The following SERF1A variants were observed in gnomAD, a reference collection of about 807,000 sequenced individuals.
SERF1A encodes the protein small EDRK-rich factor 1A.
downstream of SERF1A, among the ~76,000 whole-genome samples, chr5:70,912,057 A>ACTCTCTCTCTCTCT (rs1554081326): frequency 5.9e-4 from 11 of 18,604 alleles, no homozygotes; most frequent in African/African-American, 1.6e-3. Flanking sequence ...ACACACACAC[A>ACTCTCTCTCTCTCT]CTCTCTCTCT....
intron 2 of SERF1A, among the ~76,000 whole-genome samples, chr5:70,904,626 C>A (rs1749036027): frequency 2.1e-5 from 1 of 48,020 alleles, no homozygotes; most frequent in African/African-American, 6.8e-5. Context: ...GATCTCGGCT[C>A]ACTGCAACCT....
At chr5:70,909,640 C>CA (rs1333416410), downstream of SERF1A, among the ~76,000 whole-genome samples, 1 of 89,024 alleles carries the variant, frequency 1.1e-5, no homozygotes, top group Non-Finnish European at 2.4e-5. Flanking sequence ...GCCATAAGTA[C>CA]AAAAAAACTT....
chr5:70,904,641 C>T (rs1254036802), intron 2 of SERF1A, among the ~76,000 whole-genome samples: 1 of 48,876 alleles, frequency 2.0e-5, no homozygotes, highest in Non-Finnish European at 4.3e-5. Flanking sequence ...CAACCTCCAC[C>T]TCCTGGGCTT....
chr5:70,904,338 T>C (rs1251659443), intron 2 of SERF1A, among the ~76,000 whole-genome samples: 9 of 28,948 alleles, frequency 3.1e-4, no homozygotes, highest in East Asian at 1.7e-3. Flanking sequence ...GAGCTTGCAG[T>C]GAGCTGAGAT....
intron 2 of SERF1A, among the ~76,000 whole-genome samples, chr5:70,904,888 T>A (rs1749046696): frequency 1.6e-5 from 1 of 62,450 alleles, no homozygotes; most frequent in Non-Finnish European, 3.1e-5. Flanking sequence ...GAATTTTTTT[T>A]TTATTATTAC....
exon 3 of SERF1A, chr5:70,917,023 C>T (rs1749188043): frequency 5.7e-6 from 1 of 176,012 alleles, no homozygotes; most frequent in Non-Finnish European, 8.7e-6. Context: ...TCCTTGCTTT[C>T]CTCTTCCAGC....
At chr5:70,911,996 A>G (rs1218317112), downstream of SERF1A, among the ~76,000 whole-genome samples, 1 of 35,854 alleles carries the variant, frequency 2.8e-5, no homozygotes, top group Non-Finnish European at 7.8e-5. Flanking sequence ...TAAGAGTGGG[A>G]CCCTGTCTCA....
chr5:70,913,154 A>G (rs1749153237), intron 2 of SERF1A, among the ~76,000 whole-genome samples: 2 of 144,148 alleles, frequency 1.4e-5, no homozygotes, highest in African/African-American at 5.0e-5. Flanking sequence ...TGAGGTGGGC[A>G]GATCACCTGA....
Position 70,904,560 on chromosome 5 carries a change from T to C in SERF1A, c.116+2627T>C. Among the ~76,000 whole-genome samples, 2 of 49,598 alleles carry C rather than the reference T, an allele frequency of 4.0e-5. 1 individual carries two copies. The highest frequency in any genetic ancestry group is 8.6e-5 in the Non-Finnish European group (2 of 23,172). 32.5% of individuals were successfully genotyped at this position (49,598 alleles called of 152,430 possible). A position where few individuals can be genotyped will look rare whatever the true frequency, so the allele number is the denominator to read the frequency against. ...TTTACTGTACTTAGGTTATGCCTTTTTTTTTTTTTAAAGGCAGAGTCTTAC... is the reference window on the plus strand; with the variant it reads ...TTTACTGTACTTAGGTTATGCCTTTCTTTTTTTTTAAAGGCAGAGTCTTAC... On this transcript the variant is annotated intron_variant, in intron 2 of 2. Transcript: ENST00000317633.
At position 70,904,343 on chromosome 5, in the gene SERF1A, T is replaced by C. The variant is rs1440095125; in HGVS notation, c.116+2410T>C. On this transcript the variant is annotated intron_variant, in intron 2 of 2. Transcript: ENST00000317633. ...CCGGGAGGCGGAGCTTGCAGTGAGC[T>C]GAGATCGCGCCACCGCACTCCAGCC... Among the ~76,000 whole-genome samples, 10 of 29,858 alleles carry C rather than the reference T, an allele frequency of 3.3e-4. 2 individuals carry two copies. Among genetic ancestry groups the C allele is most frequent in the South Asian group, 1.3e-3 (1 of 764 alleles). The allele number at this position is 29,858 out of a possible 152,430, so 19.6% of individuals were successfully genotyped here.
intron 2 of SERF1A, among the ~76,000 whole-genome samples, chr5:70,913,194 C>T (rs1414780242): frequency 7.1e-6 from 1 of 140,154 alleles, no homozygotes; most frequent in Non-Finnish European, 1.6e-5. Flanking sequence ...GCCTGGCCAA[C>T]ATGGTGAAAC....
At chr5:70,910,795 ATTATTTTTT>A (rs1749108730), downstream of SERF1A, among the ~76,000 whole-genome samples, 1 of 24,424 alleles carries the variant, frequency 4.1e-5, no homozygotes, top group African/African-American at 1.1e-4. Flanking sequence ...TATTATTATT[ATTATTTTTT>A]TTTTTTTTTT....
At chr5:70,910,799 T>TTTTTA (rs1216486724), downstream of SERF1A, among the ~76,000 whole-genome samples, 17 of 20,178 alleles carry the variant, frequency 8.4e-4, 7 homozygotes, top group Non-Finnish European at 2.3e-4. Flanking sequence ...ATTATTATTA[T>TTTTTA]TTTTTTTTTT....
intron 2 of SERF1A, among the ~76,000 whole-genome samples, chr5:70,913,378 CAAAAA>C (rs878903389): frequency 1.7e-5 from 1 of 59,146 alleles, no homozygotes; most frequent in African/African-American, 5.2e-5. Context: ...GACTCTGTCT[CAAAAA>C]AAAAAAAAAA....
At chr5:70,904,832 C>G (rs1263068763) in intron 2 of SERF1A, among the ~76,000 whole-genome samples, 5 of 58,924 alleles carry the variant, frequency 8.5e-5, no homozygotes, top group African/African-American at 3.2e-4. Context: ...GGATTACAGG[C>G]GTGAGCCACC....
At chr5:70,913,039 T>C (rs1580878286), downstream of SERF1A, among the ~76,000 whole-genome samples, 1 of 80,800 alleles carries the variant, frequency 1.2e-5, no homozygotes, top group Non-Finnish European at 2.6e-5. Context: ...TGCACTCCAG[T>C]CTGGGTGACA....
intron 2 of SERF1A, among the ~76,000 whole-genome samples, chr5:70,913,392 A>C (rs1021844082): frequency 1.4e-5 from 2 of 143,872 alleles, no homozygotes; most frequent in African/African-American, 5.0e-5. Context: ...AAAAAAAAAA[A>C]AAAAAAAACA....
chr5:70,913,152 G>T (rs1036380976), intron 2 of SERF1A, among the ~76,000 whole-genome samples: 2 of 144,348 alleles, frequency 1.4e-5, no homozygotes, highest in African/African-American at 5.0e-5. Context: ...GCTGAGGTGG[G>T]CAGATCACCT....
At chr5:70,909,363 G>A (rs1263926005), downstream of SERF1A, among the ~76,000 whole-genome samples, 2 of 151,784 alleles carry the variant, frequency 1.3e-5, no homozygotes, top group Non-Finnish European at 2.9e-5. Context: ...ACAGGCGTGA[G>A]CCATCCCACC....
Sources: gnomAD v4.1 joint callset for allele counts (sites outside exome capture counted in the v4.1 genomes callset) on GRCh38, gnomAD v4.1.1 for gene constraint, MANE v1.5 for transcripts, NCBI Gene and HGNC (gene_info 2026-07-23, HGNC 2026-07-21) for gene names.